MIPEP: variants seen among roughly 807,000 people sequenced by gnomAD.
MIPEP encodes mitochondrial intermediate peptidase.
MIPEP carries 79 observed loss-of-function variants against 90.3 expected under a neutral mutation model. The ratio of observed to expected loss-of-function variants is 0.87; its 90% CI spans 0.73 to 1.05. The LOEUF (loss-of-function observed/expected upper bound fraction) is 1.05. MIPEP is among the 50% of genes least tolerant of loss of function. MIPEP has a pLI of 0.00. For missense variants in MIPEP, 940 were observed against 905.6 expected (o/e 1.04, Z -0.49); for synonymous variants, 334 against 315.8 (o/e 1.06, Z -0.61).
chr13:23,852,450 A>G (rs190239607), intron 10 of MIPEP, among the ~76,000 whole-genome samples: 1 of 152,342 alleles, frequency 6.6e-6, no homozygotes, highest in East Asian at 1.9e-4. Context: ...TTCTGTCAGC[A>G]ATGAACCACA....
At chr13:23,809,951 T>A in intron 14 of MIPEP, 27 bp from the exon 15 acceptor site, 1 of 1,467,200 alleles carries the variant, frequency 6.8e-7, no homozygotes, top group Non-Finnish European at 9.5e-7. Context: ...AATATATATG[T>A]GAGTAAACTG....
rs1868976582 is a variant in MIPEP, at chr13:23,835,103, C to A, written c.1653+1137G>T. Among the ~76,000 whole-genome samples the A allele has an allele frequency of 2.0e-5, 3 of 149,524 alleles. No homozygotes were observed. The Admixed American group carries it at 2.0e-4, about 10-fold the overall frequency. ...TGGCGCAATGTCGGCTCACTGCAAC[C>A]TCTGCCTCCCAGGTTCAAGTGATTC... On this transcript the variant is annotated intron_variant, in intron 14 of 18. Transcript: ENST00000382172.
At chr13:23,853,252 C>T (rs1869887261) in intron 10 of MIPEP, among the ~76,000 whole-genome samples, 1 of 152,088 alleles carries the variant, frequency 6.6e-6, no homozygotes, top group Non-Finnish European at 1.5e-5. Flanking sequence ...CACTCACCAC[C>T]ACTCACTCAC....
At chr13:23,884,797 T>C (rs1871405872) in intron 2 of MIPEP, among the ~76,000 whole-genome samples, 1 of 152,246 alleles carries the variant, frequency 6.6e-6, no homozygotes, top group Non-Finnish European at 1.5e-5. Context: ...AGACAGTGTC[T>C]GGCACACAGT....
intron 16 of MIPEP, among the ~76,000 whole-genome samples, chr13:23,789,711 C>G (rs1952881532): frequency 6.6e-6 from 1 of 152,220 alleles, no homozygotes. Context: ...TTTCCATGCC[C>G]TTCTTGTTGA....
At chr13:23,766,185 C>T (rs1274373023) in intron 16 of MIPEP, 1 of 152,212 alleles carries the variant, frequency 6.6e-6, no homozygotes, top group Non-Finnish European at 1.5e-5. Context: ...TCTTTGACTA[C>T]ATTATTTGAT....
At chr13:23,831,998 C>T (rs545593415) in intron 14 of MIPEP, among the ~76,000 whole-genome samples, 2 of 152,258 alleles carry the variant, frequency 1.3e-5, no homozygotes, top group African/African-American at 2.4e-5. Context: ...GCACACTATG[C>T]CACTGCTATA....
At chr13:23,813,969 T>C (rs1457992380) in intron 14 of MIPEP, among the ~76,000 whole-genome samples, 1 of 152,300 alleles carries the variant, frequency 6.6e-6, no homozygotes, top group East Asian at 1.9e-4. Flanking sequence ...TCTAAGATGA[T>C]AGGTAATGAG....
intron 10 of MIPEP, among the ~76,000 whole-genome samples, chr13:23,853,160 A>G (rs1185180200): frequency 1.1e-4 from 16 of 152,202 alleles, no homozygotes. Flanking sequence ...AAAGAACCAT[A>G]TCTTTCTATA....
chr13:23,804,417 G>A (rs1017278962), intron 16 of MIPEP, among the ~76,000 whole-genome samples: 1 of 152,136 alleles, frequency 6.6e-6, no homozygotes, highest in Non-Finnish European at 1.5e-5. Flanking sequence ...ATCAGGCAAT[G>A]CTCTGTGAAC....
Position 23,734,326 on chromosome 13 carries a change from G to A in MIPEP, c.2045-3881C>T, listed in dbSNP as rs182740195. Among the ~76,000 whole-genome samples the A allele has an allele frequency of 2.1e-3, 322 of 152,198 alleles. 1 individual carries two copies. The highest frequency in any genetic ancestry group is 6.6e-3 in the African/African-American group (272 of 41,514). On this transcript the variant is annotated intron_variant, in intron 18 of 18. Transcript: ENST00000382172. ...CCTTAAAACCACTCCACGTGTGTCC[G>A]TGTCCTTGTATCTAAGCTGGCATGA...
chr13:23,885,060 T>C (rs539245563), intron 2 of MIPEP, among the ~76,000 whole-genome samples: 2 of 152,252 alleles, frequency 1.3e-5, no homozygotes, highest in African/African-American at 4.8e-5. Context: ...CAACTGTCCA[T>C]GAACAGATGA....
chr13:23,854,136 T>C (rs9510897), intron 10 of MIPEP, among the ~76,000 whole-genome samples: 9,877 of 149,670 alleles, frequency 0.066, 410 homozygotes, highest in Middle Eastern at 0.13. Flanking sequence ...TCATCCTGGC[T>C]AACACGGTGA....
intron 1 of MIPEP, chr13:23,888,217 T>C (rs1215258933): frequency 2.7e-6 from 1 of 367,272 alleles, no homozygotes; most frequent in Non-Finnish European, 5.3e-6. Context: ...ACACCAACTA[T>C]GTTAATACCA....
At chr13:23,764,045 T>G (rs746187452) in intron 16 of MIPEP, among the ~76,000 whole-genome samples, 4 of 152,234 alleles carry the variant, frequency 2.6e-5, no homozygotes, top group Non-Finnish European at 5.9e-5. Context: ...CCTTTTAAAT[T>G]GAAGTTTTCT....
chr13:23,824,369 TAACAGGTAAGAC>T (rs1311432630), intron 14 of MIPEP, among the ~76,000 whole-genome samples: 1 of 152,206 alleles, frequency 6.6e-6, no homozygotes, highest in African/African-American at 2.4e-5. Context: ...GCATATATAT[TAACAGGTAAGAC>T]AATCTCTGGT....
chr13:23,772,665 TG>T (rs1230645648), intron 16 of MIPEP, among the ~76,000 whole-genome samples: 1 of 152,222 alleles, frequency 6.6e-6, no homozygotes, highest in South Asian at 2.1e-4. Context: ...TGTTGAAGGC[TG>T]AGGTGAGCTG....
intron 1 of MIPEP, chr13:23,888,685 C>CAG (rs1871636551): frequency 1.0e-5 from 10 of 991,962 alleles, no homozygotes; most frequent in Non-Finnish European, 1.2e-5. Context: ...TACCATTACT[C>CAG]GACTGCAGGC....
chr13:23,764,612 G>GC (rs1480283896), intron 16 of MIPEP, among the ~76,000 whole-genome samples: 5 of 152,190 alleles, frequency 3.3e-5, no homozygotes, highest in Non-Finnish European at 7.3e-5. Context: ...AGGCTGGAGT[G>GC]CAGAGGCATG....
Sources: allele counts gnomAD v4.1 joint callset (sites outside exome capture counted in the v4.1 genomes callset), GRCh38; gene constraint gnomAD v4.1.1; transcripts MANE v1.5; gene names NCBI Gene and HGNC (gene_info 2026-07-23, HGNC 2026-07-21).